The following LRIG1 variants were observed in gnomAD, a reference collection of about 807,000 sequenced individuals.
The protein encoded by LRIG1 is leucine rich repeats and immunoglobulin like domains 1, also known as leucine-rich repeats and immunoglobulin-like domains protein 1.
Under a neutral mutation model 99.2 loss-of-function variants are expected in LRIG1, and 48 were observed. The ratio of observed to expected loss-of-function variants is 0.48; its 90% confidence interval spans 0.38 to 0.62. The LOEUF (loss-of-function observed/expected upper bound fraction) is 0.62. Ranked by LOEUF, LRIG1 falls within the 20% of genes least tolerant of loss-of-function variation. LRIG1 has a pLI of 0.00. For synonymous variants in LRIG1, 772 were observed against 596.1 expected (o/e 1.29, Z -4.30); for missense variants, 1,646 against 1,434.4 (o/e 1.15, Z -2.38).
chr3:66,404,989 C>T (rs1702209278), intron 9 of LRIG1, among the ~76,000 whole-genome samples: 1 of 152,236 alleles, frequency 6.6e-6, no homozygotes, highest in Admixed American at 6.5e-5. Context: ...CCCAAGAACC[C>T]AACACCCAGG....
At chr3:66,398,840 A>G in intron 10 of LRIG1, 130 bp downstream of exon 10, 2 of 730,974 alleles carry the variant, frequency 2.7e-6, no homozygotes, top group Non-Finnish European at 4.7e-6. Flanking sequence ...ACATAATGAG[A>G]AGGAAGCAGC....
At chr3:66,465,676 T>C (rs1700458157) in intron 1 of LRIG1, among the ~76,000 whole-genome samples, 1 of 152,046 alleles carries the variant, frequency 6.6e-6, no homozygotes, top group Admixed American at 6.6e-5. Flanking sequence ...TGAGCATAAT[T>C]TTTTTAATGT....
At chr3:66,417,464 G>C in intron 3 of LRIG1, 198 bp from the exon 4 acceptor site, 7 of 604,328 alleles carry the variant, frequency 1.2e-5, no homozygotes, top group Non-Finnish European at 2.0e-5. Context: ...TTTCAATCTG[G>C]GACAAGTTTA....
intron 2 of LRIG1, among the ~76,000 whole-genome samples, chr3:66,458,785 G>C (rs1324178056): frequency 6.6e-6 from 1 of 152,068 alleles, no homozygotes; most frequent in Non-Finnish European, 1.5e-5. Flanking sequence ...GGGAGGCCAA[G>C]GCGGGTGGAT....
At chr3:66,448,218 A>C (rs9867624) in intron 3 of LRIG1, among the ~76,000 whole-genome samples, 148,666 of 152,282 alleles carry the variant, frequency 0.98, 72,655 homozygotes, top group East Asian at 1. Context: ...TCTTTTGAAG[A>C]CCTGACAGAA....
In LRIG1 at chr3:66,407,336, T is replaced by C; in HGVS notation, c.1079+12A>G. 5 of 1,613,990 alleles carry C rather than the reference T, an allele frequency of 3.1e-6. No individual in the cohort carries two copies. The highest frequency in any genetic ancestry group is 3.4e-6 in the Non-Finnish European group (4 of 1,179,990). On this transcript the variant is annotated intron_variant, in intron 8 of 18. Coordinates refer to ENST00000273261, the MANE Select transcript of LRIG1 (RefSeq NM_015541.3). ...GGGGACCCCTTTATCCTGTCAGTAG[T>C]GGGAGACGTACAAGACTCGCAGGCT... is the stretch of plus-strand genomic sequence containing the variant.
intron 12 of LRIG1, among the ~76,000 whole-genome samples, chr3:66,389,662 C>A (rs564937780): frequency 6.6e-6 from 1 of 152,020 alleles, no homozygotes; most frequent in Non-Finnish European, 1.5e-5. Context: ...AATGGAGCGC[C>A]ACAAAACATA....
intron 15 of LRIG1, 77 bp downstream of exon 15, chr3:66,382,905 C>T: frequency 2.9e-6 from 4 of 1,389,232 alleles, no homozygotes; most frequent in South Asian, 1.4e-5. Context: ...TCAAAAGCCA[C>T]TGGAACCCGG....
chr3:66,436,358 T>TC (rs1453382262), intron 3 of LRIG1, among the ~76,000 whole-genome samples: 1 of 151,970 alleles, frequency 6.6e-6, no homozygotes, highest in Non-Finnish European at 1.5e-5. Flanking sequence ...GGGCATTTCC[T>TC]CCCCCGCCTC....
intron 1 of LRIG1, 60 bp downstream of exon 1, chr3:66,500,129 CG>C: frequency 7.4e-7 from 1 of 1,345,634 alleles, no homozygotes. Flanking sequence ...GAACCCCCGC[CG>C]CTCCATCCCC....
chr3:66,477,318 C>T (rs1033054212), intron 1 of LRIG1, among the ~76,000 whole-genome samples: 10 of 152,310 alleles, frequency 6.6e-5, no homozygotes, highest in African/African-American at 1.7e-4. Context: ...CACCACGACC[C>T]GGGTCATTTG....
intron 9 of LRIG1, chr3:66,404,133 A>G: frequency 4.5e-6 from 3 of 662,806 alleles, no homozygotes; most frequent in Non-Finnish European, 7.1e-6. Flanking sequence ...GACAGCCAAC[A>G]GAGCTTATTC....
At position 66,380,242 on chromosome 3, in the gene LRIG1, A is replaced by G. The variant is rs549095514; in HGVS notation, c.*21T>C. The G allele has an allele frequency of 1.9e-6, 3 of 1,592,202 alleles. No homozygotes were observed. The South Asian group carries it at 3.4e-5, about 18-fold the overall frequency. ...TCTTTCCCGTAGAGATTGGTATGACAAGAACTGAGGTAGACAAAACCTAGC... is the reference window on the plus strand; with the variant it reads ...TCTTTCCCGTAGAGATTGGTATGACGAGAACTGAGGTAGACAAAACCTAGC... On this transcript the variant is annotated 3_prime_UTR_variant, in exon 19 of 19. Coordinates refer to ENST00000273261, the MANE Select transcript of LRIG1 (RefSeq NM_015541.3).
chr3:66,494,687 A>T (rs1022896616), intron 1 of LRIG1, among the ~76,000 whole-genome samples: 2 of 152,228 alleles, frequency 1.3e-5, no homozygotes, highest in African/African-American at 4.8e-5. Context: ...ATATAAAGCA[A>T]AAAGCCTTTG....
chr3:66,485,617 T>C (rs1296684037), intron 1 of LRIG1, among the ~76,000 whole-genome samples: 1 of 152,230 alleles, frequency 6.6e-6, no homozygotes, highest in Non-Finnish European at 1.5e-5. Context: ...CTTTACTGTT[T>C]ATAAATAGTT....
chr3:66,390,385 A>G (rs1452004106), intron 12 of LRIG1, among the ~76,000 whole-genome samples: 2 of 152,208 alleles, frequency 1.3e-5, no homozygotes, highest in Non-Finnish European at 2.9e-5. Context: ...AGCAAAAAGA[A>G]TAAAAACAGA....
chr3:66,439,057 G>C (rs192449594), intron 3 of LRIG1, among the ~76,000 whole-genome samples: 3 of 152,336 alleles, frequency 2.0e-5, no homozygotes, highest in Admixed American at 6.5e-5. Flanking sequence ...CAGGGTTCTC[G>C]TTAACACACA....
intron 1 of LRIG1, among the ~76,000 whole-genome samples, chr3:66,481,896 C>T (rs1700860652): frequency 6.6e-6 from 1 of 152,248 alleles, no homozygotes; most frequent in Non-Finnish European, 1.5e-5. Context: ...TAAACATGGG[C>T]TCGCTTGCAG....
In LRIG1 at chr3:66,412,794, C is replaced by T. The variant is rs527494799; in HGVS notation, c.791+77G>A. On this transcript the variant is annotated intron_variant, in intron 6 of 18. Coordinates refer to ENST00000273261, the MANE Select transcript of LRIG1 (RefSeq NM_015541.3). ...GTTGGTGTTGGTGCGCACATGCATG[C>T]GCACACACACACACGCCACATCACA... 29 of 1,531,358 alleles carry T rather than the reference C, an allele frequency of 1.9e-5. No individual in the cohort carries two copies. In the East Asian group the frequency reaches 2.6e-4, roughly 13 times the overall value. The allele number at this position is 1,531,358 out of a possible 1,614,324, so 94.9% of individuals were successfully genotyped here. A position where few individuals can be genotyped will look rare whatever the true frequency, so the allele number is the denominator to read the frequency against.
Sources: allele counts gnomAD v4.1 joint callset (sites outside exome capture counted in the v4.1 genomes callset), GRCh38; gene constraint gnomAD v4.1.1; transcripts MANE v1.5; gene names NCBI Gene and HGNC (gene_info 2026-07-23, HGNC 2026-07-21).